Variants in RUSC2 observed in about 807,000 individuals in gnomAD.
RUSC2 encodes AP-4 complex accessory subunit RUSC2.
RUSC2 carries 34 observed loss-of-function variants against 122.2 expected under a neutral mutation model. The ratio of observed to expected loss-of-function variants is 0.28; its 90% CI spans 0.21 to 0.37. The LOEUF (loss-of-function observed/expected upper bound fraction) is 0.37. Ranked by LOEUF, RUSC2 falls within the 10% of genes least tolerant of loss-of-function variation. The pLI is 1.00. For missense variants in RUSC2, 1,747 were observed against 1,952.4 expected, an observed-to-expected ratio of 0.89 and a Z score of 1.98; for synonymous variants, 784 against 790.0, an observed-to-expected ratio of 0.99 and a Z score of 0.13.
rs544289850 is a variant in RUSC2 at position 35,549,987 on chromosome 9, G to A, written c.2014+1452G>A. ...AGCACTTTGGGAGGCCAAGGCGGGC[G>A]GATCACCTCAGGTCAGGTTTTCAAG... On this transcript the variant is annotated intron_variant, in intron 2 of 11. Coordinates refer to ENST00000361226, the MANE Select transcript of RUSC2 (RefSeq NM_014806.5). Among the ~76,000 whole-genome samples, 10 of 152,200 alleles carry A rather than the reference G, an allele frequency of 6.6e-5. No individual in the cohort carries two copies. The South Asian group carries it at 1.5e-3, about 22-fold the overall frequency.
intron 1 of RUSC2, among the ~76,000 whole-genome samples, chr9:35,514,187 A>G (rs535900653): frequency 6.6e-6 from 1 of 152,206 alleles, no homozygotes; most frequent in East Asian, 1.9e-4. Context: ...AGCCAAATAA[A>G]CAAGTATAAA....
chr9:35,501,368 G>A (rs1054803084), intron 1 of RUSC2, among the ~76,000 whole-genome samples: 2 of 152,192 alleles, frequency 1.3e-5, no homozygotes, highest in Non-Finnish European at 2.9e-5. Flanking sequence ...CCTGAGCTCA[G>A]GAGTTTGAAA....
At position 35,517,533 on chromosome 9, in the gene RUSC2, T is replaced by G. The variant is rs1821131194; in HGVS notation, c.-93+27361T>G. On this transcript the variant is annotated intron_variant, in intron 1 of 11. Coordinates refer to ENST00000361226, the MANE Select transcript of RUSC2 (RefSeq NM_014806.5). ...AACAGGGGAGAATTAGCTTTGTGGCTGCTAGATAGACAAGGGAGTAAGTGA... is the reference window on the plus strand; with the variant it reads ...AACAGGGGAGAATTAGCTTTGTGGCGGCTAGATAGACAAGGGAGTAAGTGA... Among the ~76,000 whole-genome samples the G allele has an allele frequency of 2.0e-5, 3 of 152,222 alleles. No individual in the cohort carries two copies. The South Asian group carries it at 6.2e-4, about 32-fold the overall frequency.
chr9:35,527,262 T>A (rs1821342432), intron 1 of RUSC2, among the ~76,000 whole-genome samples: 1 of 152,058 alleles, frequency 6.6e-6, no homozygotes, highest in Non-Finnish European at 1.5e-5. Context: ...TTCAGCCTTC[T>A]AAGTAGCTGG....
At chr9:35,516,848 C>T (rs1288856924) in intron 1 of RUSC2, among the ~76,000 whole-genome samples, 4 of 152,152 alleles carry the variant, frequency 2.6e-5, no homozygotes, top group Admixed American at 6.5e-5. Flanking sequence ...ATGGCTTTTA[C>T]ATTTTTAAAG....
intron 1 of RUSC2, among the ~76,000 whole-genome samples, chr9:35,498,815 C>A (rs1247882291): frequency 6.8e-6 from 1 of 146,306 alleles, no homozygotes; most frequent in Non-Finnish European, 1.5e-5. Context: ...GAGCCGAGAT[C>A]GCCTGGCGAC....
Position 35,546,754 on chromosome 9 carries a change from C to G in RUSC2, c.233C>G (p.Ala78Gly). ...SSLHSTPGGT[A>G]RSIDSTKSRS... ...CTGCACTCTACTCCAGGAGGAACTG[C>G]ACGGTCTATAGACAGCACCAAGAGT... The change falls in exon 2 of 12, where the codon GCA (alanine) becomes GGA (glycine). Residue 78 changes from alanine to glycine, a missense_variant. Physicochemically the swap from Ala to Gly is moderately conservative, Grantham distance 60. Transcript: ENST00000361226. The surrounding 1 kb of genome is among the most constrained non-coding windows in gnomAD (Gnocchi z 4.3). 1.3e-6 allele frequency: 2 copies of G among 1,587,702 alleles called. No homozygotes were observed. Among genetic ancestry groups the G allele is most frequent in the Non-Finnish European group, 1.7e-6 (2 of 1,167,852 alleles).
intron 1 of RUSC2, among the ~76,000 whole-genome samples, chr9:35,509,734 A>G (rs1342599241): frequency 2.0e-5 from 3 of 152,224 alleles, no homozygotes. Flanking sequence ...GGTTAAAGAA[A>G]AGAGGAGATT....
chr9:35,559,377 C>A, intron 9 of RUSC2, 105 bp downstream of exon 9: 1 of 958,298 alleles, frequency 1.0e-6, no homozygotes. Context: ...GGAGGGGGAC[C>A]ACACAAGCGT....
intron 5 of RUSC2, 89 bp downstream of exon 5, chr9:35,556,537 A>C: frequency 2.0e-6 from 3 of 1,521,700 alleles, no homozygotes; most frequent in Non-Finnish European, 2.7e-6. Flanking sequence ...GAAACCTCTA[A>C]GTGCTGGCTG....
intron 1 of RUSC2, among the ~76,000 whole-genome samples, chr9:35,492,983 TG>T (rs1203149333): frequency 6.6e-6 from 1 of 152,014 alleles, no homozygotes; most frequent in Non-Finnish European, 1.5e-5. Flanking sequence ...TTTTGTTTTT[TG>T]GGTTTTTTTT....
At position 35,546,847 on chromosome 9, in the gene RUSC2, T is replaced by C; in HGVS notation, c.326T>C (p.Val109Ala). Residue 109 changes from valine (V) to alanine (A), a missense_variant, in exon 2 of 12, where the codon GTG (valine) becomes GCG (alanine). By Grantham distance (64) the Val-to-Ala change is moderately conservative. Transcript: ENST00000361226. The surrounding 1 kb of genome is among the most constrained non-coding windows in gnomAD (Gnocchi z 4.3). ...RHNPFLLQEG[V>A]GEPGLGDLYD... ...AACCCCTTCTTGCTGCAGGAGGGTG[T>C]GGGTGAGCCAGGACTTGGTGACCTG... 6.2e-7 allele frequency: 1 copy of C among 1,610,128 alleles called. No homozygotes were observed. Among genetic ancestry groups the C allele is most frequent in the Non-Finnish European group, 8.5e-7 (1 of 1,178,218 alleles).
intron 1 of RUSC2, among the ~76,000 whole-genome samples, chr9:35,508,643 CAA>C (rs1364964935): frequency 6.6e-6 from 1 of 152,220 alleles, no homozygotes; most frequent in African/African-American, 2.4e-5. Flanking sequence ...ATTCCAAGTA[CAA>C]ACACTGTCAT....
At chr9:35,519,644 G>A (rs1324078322) in intron 1 of RUSC2, among the ~76,000 whole-genome samples, 1 of 152,128 alleles carries the variant, frequency 6.6e-6, no homozygotes, top group Non-Finnish European at 1.5e-5. Context: ...AAGAGATTTT[G>A]CCTGCCACTT....
At chr9:35,507,182 A>G (rs1293610574) in intron 1 of RUSC2, among the ~76,000 whole-genome samples, 2 of 152,178 alleles carry the variant, frequency 1.3e-5, no homozygotes, top group African/African-American at 2.4e-5. Flanking sequence ...CCACTTTCCT[A>G]TGCTTTCTGT....
intron 1 of RUSC2, among the ~76,000 whole-genome samples, chr9:35,543,991 T>C (rs1002197028): frequency 1.3e-5 from 2 of 152,234 alleles, no homozygotes; most frequent in Non-Finnish European, 2.9e-5. Context: ...TGCTGGGTCA[T>C]GTGATGACAC....
intron 2 of RUSC2, chr9:35,549,049 T>G (rs1307287063): frequency 1.0e-6 from 1 of 980,668 alleles, no homozygotes; most frequent in Non-Finnish European, 1.2e-6. Flanking sequence ...AAAAAATAAA[T>G]AAATACACTG....
chr9:35,557,806 C>A lies in RUSC2; in HGVS notation c.2984-108C>A. ...TAAGACCCATGTGCAGATGTGGAGACGGAGTAAGTGTGGGAGCCCTTTCCC... is the reference window on the plus strand; with the variant it reads ...TAAGACCCATGTGCAGATGTGGAGAAGGAGTAAGTGTGGGAGCCCTTTCCC... On this transcript the variant is annotated intron_variant, in intron 5 of 11. Transcript: ENST00000361226. The surrounding 1 kb of genome is among the most constrained non-coding windows in gnomAD (Gnocchi z 4.6). The A allele has an allele frequency of 1.2e-6, 1 of 856,628 alleles. No homozygotes were observed. The highest frequency in any genetic ancestry group is 2.0e-6 in the Non-Finnish European group (1 of 495,732). The allele number at this position is 856,628 out of a possible 1,614,324, so 53.1% of individuals were successfully genotyped here.
intron 5 of RUSC2, among the ~76,000 whole-genome samples, chr9:35,556,702 G>A (rs1037107701): frequency 7.9e-5 from 12 of 152,228 alleles, no homozygotes; most frequent in South Asian, 2.1e-4. Context: ...TGGTGGGCGC[G>A]TGTAATCCCA....
Sources: gnomAD v4.1 joint callset for allele counts (sites outside exome capture counted in the v4.1 genomes callset) on GRCh38, gnomAD v4.1.1 for gene constraint, Gnocchi (gnomAD v3.1) non-coding constraint, MANE v1.5 for transcripts, NCBI Gene and HGNC (gene_info 2026-07-23, HGNC 2026-07-21) for gene names.